POLR2F: variants seen among roughly 807,000 people sequenced by gnomAD.
POLR2F encodes DNA-directed RNA polymerases I, II, and III subunit RPABC2.
Under a neutral mutation model 22.7 loss-of-function variants are expected in POLR2F, and 12 were observed. The observed-to-expected ratio is 0.53, with a 90% CI of 0.34 to 0.86. POLR2F has a LOEUF of 0.86. Among genes scored for constraint, POLR2F ranks in the 40% least tolerant of loss-of-function variants. The probability of loss-of-function intolerance (pLI) is 0.02; values close to 1 mark genes in which losing one functional copy is unlikely to be tolerated. For missense variants in POLR2F, 126 were observed against 171.5 expected, an observed-to-expected ratio of 0.73 and a Z score of 1.48; for synonymous variants, 57 against 66.0, an observed-to-expected ratio of 0.86 and a Z score of 0.66.
intron 5 of POLR2F, chr22:38,040,930 A>G (rs1453714750): frequency 4.2e-6 from 6 of 1,416,932 alleles, no homozygotes; most frequent in South Asian, 1.2e-5. Context: ...GGAGTGGTCA[A>G]GTCAGCCAGA....
chr22:37,977,783 G>A lies in POLR2F; in HGVS notation c.293+10613G>A, dbSNP rs1932266600. ...CACAGCCTGGCACGCTCTCCCTAGA[G>A]TCCAGGGTCTCATTGCCATCCAGCC... is the stretch of plus-strand genomic sequence containing the variant. On this transcript the variant is annotated intron_variant, in intron 4 of 4. Coordinates refer to the POLR2F transcript ENST00000405557. 7 of 1,443,324 alleles carry A rather than the reference G, an allele frequency of 4.8e-6. No individual in the cohort carries two copies. The East Asian group carries it at 1.6e-4, about 33-fold the overall frequency. The allele number at this position is 1,443,324 out of a possible 1,614,324, so 89.4% of individuals were successfully genotyped here.
intron 1 of POLR2F, among the ~76,000 whole-genome samples, chr22:38,023,839 ATTTTTTTTT>A (rs56162997): frequency 2.1e-4 from 24 of 115,406 alleles, no homozygotes; most frequent in African/African-American, 7.5e-4. Context: ...CGCCTGGCTA[ATTTTTTTTT>A]TTTTTTTTTT....
intron 5 of POLR2F, among the ~76,000 whole-genome samples, chr22:38,037,239 A>G (rs1046411182): frequency 7.2e-6 from 1 of 139,506 alleles, no homozygotes; most frequent in Non-Finnish European, 1.5e-5. Flanking sequence ...TATTCTGCTA[A>G]TGAGCAACCT....
chr22:37,954,603 C>G (rs1041183312), intron 1 of POLR2F, among the ~76,000 whole-genome samples: 1 of 151,992 alleles, frequency 6.6e-6, no homozygotes, highest in African/African-American at 2.4e-5. Flanking sequence ...GCCCGGCCTG[C>G]TTGTAGTAAT....
intron 5 of POLR2F, among the ~76,000 whole-genome samples, chr22:38,038,827 C>A (rs1252394316): frequency 6.6e-6 from 1 of 151,476 alleles, no homozygotes; most frequent in African/African-American, 2.4e-5. Flanking sequence ...GCGCGCTGAC[C>A]GTGGCGGCCG....
chr22:38,040,263 G>A (rs1321281965), intron 5 of POLR2F: 1 of 129,276 alleles, frequency 7.7e-6, no homozygotes, highest in Non-Finnish European at 1.6e-5. Context: ...CCAGCCTGGG[G>A]GCCAGTGAGA....
At chr22:37,983,540 C>A, upstream of POLR2F, 1 of 1,610,402 alleles carries the variant, frequency 6.2e-7, no homozygotes. This position sits in a 1 kb window ranked among gnomAD's most constrained non-coding sequence, Gnocchi z 9.5. Flanking sequence ...CCAGTCGTAG[C>A]CGCTGAGCAC....
chr22:38,032,079 C>G (rs1254872760), intron 5 of POLR2F: 1 of 152,126 alleles, frequency 6.6e-6, no homozygotes, highest in Non-Finnish European at 1.5e-5. Context: ...CTCACTGCAG[C>G]CTCAACCTCC....
chr22:38,041,196 G>C (rs983342088), downstream of POLR2F: 1 of 1,587,756 alleles, frequency 6.3e-7, no homozygotes, highest in Non-Finnish European at 8.6e-7. Flanking sequence ...CAAGGCGGCC[G>C]CCAGGGAAGG....
rs749718841 is a variant in POLR2F at position 37,967,151 on chromosome 22, A to G, written c.274A>G (p.Ile92Val). 4 of 1,613,586 alleles carry G rather than the reference A, an allele frequency of 2.5e-6. No individual in the cohort carries two copies. The highest frequency in any genetic ancestry group is 3.4e-6 in the Non-Finnish European group (4 of 1,179,592). Residue 92 changes from isoleucine to valine, a missense_variant, in exon 4 of 5, where the codon ATT becomes GTT. Coordinates refer to ENST00000442738, the MANE Select transcript of POLR2F (RefSeq NM_021974.5). ...ELEGETDPLL[I>V]AMKELKARKI... is the part of the protein sequence containing the mutation. ...GGAGGGGGAGACAGATCCTCTGCTC[A>G]TTGCCATGAAGGAACTCAAGTAAGT... is the stretch of plus-strand genomic sequence containing the variant.
rs971758311 is a variant in POLR2F at position 37,978,268 on chromosome 22, AC to A, written c.293+11101del. 3 of 953,824 alleles carry A rather than the reference AC, an allele frequency of 3.1e-6. No individual in the cohort carries two copies. Among genetic ancestry groups the A allele is most frequent in the African/African-American group, 3.3e-5 (2 of 60,370 alleles). The allele number at this position is 953,824 out of a possible 1,614,324, so 59.1% of individuals were successfully genotyped here. A position where few individuals can be genotyped will look rare whatever the true frequency, so the allele number is the denominator to read the frequency against. On this transcript the variant is annotated intron_variant, in intron 4 of 4. Coordinates refer to the POLR2F transcript ENST00000405557. This position sits in a 1 kb window ranked among gnomAD's most constrained non-coding sequence, Gnocchi z 5.0. ...TGGGATGGGGCACCCAGAGGACAGG[AC>A]CCGGGGTGGGGGCTGTGCCCTATGA...
At chr22:37,969,834 GT>G (rs932144818), downstream of POLR2F, among the ~76,000 whole-genome samples, 1 of 151,610 alleles carries the variant, frequency 6.6e-6, no homozygotes, top group East Asian at 1.9e-4. Context: ...TGCCAAATAA[GT>G]TTTTTTTTCG....
At chr22:37,973,714 G>A (rs1408732588), downstream of POLR2F, 2 of 1,606,324 alleles carry the variant, frequency 1.2e-6, no homozygotes, top group South Asian at 2.2e-5. Context: ...GGCGGGAGAT[G>A]GAGGGGAAGG....
chr22:38,026,082 G>A (rs751240960), exon 2 of POLR2F: 4 of 534,374 alleles, frequency 7.5e-6, no homozygotes, highest in Non-Finnish European at 1.5e-5. Context: ...TTTTGGTGGA[G>A]GACTCCCCTC....
intron 1 of POLR2F, among the ~76,000 whole-genome samples, chr22:37,956,451 C>G (rs953062545): frequency 6.7e-6 from 1 of 149,508 alleles, no homozygotes; most frequent in African/African-American, 2.5e-5. Flanking sequence ...GGTTCTTGTT[C>G]TGTCACCCAT....
chr22:38,010,941 A>C (rs553721106), intron 1 of POLR2F, among the ~76,000 whole-genome samples: 1 of 151,774 alleles, frequency 6.6e-6, no homozygotes, highest in East Asian at 2.0e-4. Context: ...TGAAGAGCGA[A>C]AGTTTTGAAT....
At chr22:38,008,687 A>G (rs1046123139) in intron 1 of POLR2F, among the ~76,000 whole-genome samples, 8 of 151,962 alleles carry the variant, frequency 5.3e-5, no homozygotes, top group Admixed American at 4.6e-4. Context: ...GGCTGGCCAC[A>G]TGGCGAGATC....
chr22:37,960,458 C>T (rs973082387), intron 3 of POLR2F, among the ~76,000 whole-genome samples: 5 of 152,138 alleles, frequency 3.3e-5, no homozygotes, highest in African/African-American at 9.7e-5. Flanking sequence ...AGTGCAGTGG[C>T]GCGTTCTCCG....
upstream of POLR2F, among the ~76,000 whole-genome samples, chr22:37,982,914 T>C (rs1932445614): frequency 6.6e-6 from 1 of 152,222 alleles, no homozygotes; most frequent in African/African-American, 2.4e-5. Context: ...AAACCTCCCC[T>C]GAGTTCTCCA....
Sources: allele counts gnomAD v4.1 joint callset (sites outside exome capture counted in the v4.1 genomes callset), GRCh38; gene constraint gnomAD v4.1.1; non-coding constraint Gnocchi (gnomAD v3.1); transcripts MANE v1.5; gene names NCBI Gene and HGNC (gene_info 2026-07-23, HGNC 2026-07-21).